The following ROBO2 variants were observed in gnomAD, a reference collection of about 807,000 sequenced individuals.
The protein encoded by ROBO2 is roundabout guidance receptor 2.
In ROBO2, 53 loss-of-function variants were observed where a neutral mutation model predicts 160.8. That is an observed-to-expected ratio of 0.33 (90% CI 0.26 to 0.41). The LOEUF (loss-of-function observed/expected upper bound fraction) is 0.41. Ranked by LOEUF, ROBO2 falls within the 10% of genes least tolerant of loss-of-function variation. ROBO2 has a pLI of 1.00. For missense variants in ROBO2, 1,577 were observed against 1,722.4 expected, an observed-to-expected ratio of 0.92 and a Z score of 1.49; for synonymous variants, 664 against 611.7, an observed-to-expected ratio of 1.09 and a Z score of -1.26.
At chr3:76,139,557 T>A (rs539246584) in intron 2 of ROBO2, among the ~76,000 whole-genome samples, 1 of 151,884 alleles carries the variant, frequency 6.6e-6, no homozygotes, top group African/African-American at 2.4e-5. Context: ...TGCAGTGGAG[T>A]GGAGAGAGTT....
intron 2 of ROBO2, among the ~76,000 whole-genome samples, chr3:77,394,095 T>G (rs1462992588): frequency 1.3e-5 from 2 of 152,102 alleles, no homozygotes; most frequent in Non-Finnish European, 2.9e-5. Flanking sequence ...ATAACAGTCT[T>G]TCAAAAGCAA....
intron 2 of ROBO2, among the ~76,000 whole-genome samples, chr3:76,932,822 G>A (rs2149063566): frequency 6.6e-6 from 1 of 152,150 alleles, no homozygotes; most frequent in East Asian, 1.9e-4. Context: ...AGCTCTCCAA[G>A]GTCTTCAAGT....
intron 2 of ROBO2, among the ~76,000 whole-genome samples, chr3:76,800,800 G>A (rs993628365): frequency 9.2e-5 from 14 of 152,110 alleles, no homozygotes; most frequent in East Asian, 5.8e-4. Flanking sequence ...CAGCCACTGC[G>A]GAGAACAGTA....
chr3:76,483,997 G>T (rs1263829302), intron 2 of ROBO2, among the ~76,000 whole-genome samples: 3 of 152,096 alleles, frequency 2.0e-5, no homozygotes, highest in African/African-American at 7.2e-5. Flanking sequence ...ACACGTCTTT[G>T]CTATTGTGAA....
intron 2 of ROBO2, among the ~76,000 whole-genome samples, chr3:76,581,053 A>G (rs2085670645): frequency 6.6e-6 from 1 of 152,206 alleles, no homozygotes; most frequent in African/African-American, 2.4e-5. Flanking sequence ...TGTAGCTCAT[A>G]AGAAAAATAA....
At chr3:76,546,009 G>T (rs1437461848) in intron 2 of ROBO2, among the ~76,000 whole-genome samples, 3 of 151,770 alleles carry the variant, frequency 2.0e-5, no homozygotes, top group Non-Finnish European at 4.4e-5. Flanking sequence ...CTTTTCACTA[G>T]AATTAAGTGA....
intron 2 of ROBO2, among the ~76,000 whole-genome samples, chr3:77,136,190 T>C (rs2076262600): frequency 6.6e-6 from 1 of 152,212 alleles, no homozygotes; most frequent in African/African-American, 2.4e-5. Context: ...ATCTGGAATA[T>C]TATTCTTAAC....
chr3:77,292,517 G>A (rs1270514536), intron 2 of ROBO2, among the ~76,000 whole-genome samples: 10 of 151,574 alleles, frequency 6.6e-5, no homozygotes, highest in Non-Finnish European at 1.5e-4. Flanking sequence ...TAAAATTGAT[G>A]GTTAAATGGG....
intron 2 of ROBO2, among the ~76,000 whole-genome samples, chr3:76,257,230 A>G (rs1042826403): frequency 5.3e-5 from 8 of 152,186 alleles, no homozygotes; most frequent in African/African-American, 1.7e-4. Flanking sequence ...AAAATATGCA[A>G]TTGATCAGAA....
In ROBO2 at chr3:75,987,033, A is replaced by G. The variant is rs373952148; in HGVS notation, c.109+49431A>G. On this transcript the variant is annotated intron_variant, in intron 2 of 26. Coordinates refer to the ROBO2 transcript ENST00000487694. ...TTCTGCAGCTTTGTTCTTTTTCAAG[A>G]TTGTTTTGGCTATTTGGTGTCCCTT... Among the ~76,000 whole-genome samples, 6 of 151,698 alleles carry G rather than the reference A, an allele frequency of 4.0e-5. No homozygotes were observed. In the East Asian group the frequency reaches 7.7e-4, roughly 20 times the overall value.
intron 20 of ROBO2, among the ~76,000 whole-genome samples, chr3:77,604,244 C>T (rs993448247): frequency 6.6e-6 from 1 of 151,952 alleles, no homozygotes; most frequent in Non-Finnish European, 1.5e-5. Context: ...TTTGAATAAC[C>T]TTATATGTCA....
At chr3:75,930,309 C>CT (rs1246172806) in intron 1 of ROBO2, among the ~76,000 whole-genome samples, 1 of 152,076 alleles carries the variant, frequency 6.6e-6, no homozygotes, top group Non-Finnish European at 1.5e-5. Flanking sequence ...TGAGACTCTC[C>CT]TTGGGACACA....
At chr3:76,559,161 AC>A (rs1360974130) in intron 2 of ROBO2, among the ~76,000 whole-genome samples, 1 of 152,134 alleles carries the variant, frequency 6.6e-6, no homozygotes, top group Non-Finnish European at 1.5e-5. Flanking sequence ...AAGATACCAC[AC>A]ATTTTTGTTC....
At chr3:76,692,893 C>T (rs539878925) in intron 2 of ROBO2, among the ~76,000 whole-genome samples, 1 of 151,510 alleles carries the variant, frequency 6.6e-6, no homozygotes, top group African/African-American at 2.4e-5. Flanking sequence ...CTCTCTCTCT[C>T]TCTCTCTATA....
chr3:76,911,313 G>T (rs2075978895), intron 2 of ROBO2, among the ~76,000 whole-genome samples: 1 of 152,102 alleles, frequency 6.6e-6, no homozygotes, highest in Admixed American at 6.5e-5. Context: ...AGTTTCTGAG[G>T]AATCTAATGC....
chr3:76,162,355 G>A (rs565490387), intron 2 of ROBO2, among the ~76,000 whole-genome samples: 23 of 152,194 alleles, frequency 1.5e-4, no homozygotes, highest in African/African-American at 5.5e-4. Context: ...TGTCACTCAG[G>A]CTGGAGTTCA....
chr3:77,164,710 T>TG (rs1291232515), intron 2 of ROBO2, among the ~76,000 whole-genome samples: 1 of 81,866 alleles, frequency 1.2e-5, no homozygotes, highest in Non-Finnish European at 2.6e-5. Flanking sequence ...GGGAGGGAGG[T>TG]GGGGGTGTCA....
intron 23 of ROBO2, chr3:77,629,463 A>G (rs1452682829): frequency 1.3e-5 from 2 of 152,212 alleles, no homozygotes; most frequent in East Asian, 3.9e-4. Context: ...TTATAGTGGA[A>G]AAAGAAAAAT....
intron 2 of ROBO2, among the ~76,000 whole-genome samples, chr3:76,900,160 A>G (rs778924918): frequency 5.3e-5 from 8 of 152,154 alleles, no homozygotes; most frequent in Non-Finnish European, 8.8e-5. Flanking sequence ...AGCCTCATTC[A>G]CTATCACAAG....
Sources: gnomAD v4.1 joint callset for allele counts (sites outside exome capture counted in the v4.1 genomes callset) on GRCh38, gnomAD v4.1.1 for gene constraint, MANE v1.5 for transcripts, NCBI Gene and HGNC (gene_info 2026-07-23, HGNC 2026-07-21) for gene names.